The following ANKRD11 variants were observed in gnomAD, a reference collection of about 807,000 sequenced individuals.
The protein encoded by ANKRD11 is ankyrin repeat domain-containing protein 11.
ANKRD11 carries 17 observed loss-of-function variants against 195.7 expected under a neutral mutation model. The observed-to-expected ratio is 0.09, with a 90% CI of 0.06 to 0.13. The LOEUF is 0.13. Ranked by LOEUF, ANKRD11 falls within the 10% of genes least tolerant of loss-of-function variation. The pLI, the probability that ANKRD11 is intolerant of heterozygous loss-of-function variation, is 1.00. For synonymous variants in ANKRD11, 1,953 were observed against 1,528.1 expected, an observed-to-expected ratio of 1.28 and a Z score of -6.49; for missense variants, 3,735 against 3,566.1, an observed-to-expected ratio of 1.05 and a Z score of -1.21.
chr16:89,303,917 C>T (rs901190526), intron 4 of ANKRD11, among the ~76,000 whole-genome samples: 5 of 152,214 alleles, frequency 3.3e-5, no homozygotes, highest in African/African-American at 1.2e-4. Flanking sequence ...CTCAAGCCCG[C>T]ATCCTGGCAC....
chr16:89,355,941 A>C (rs748554080), intron 2 of ANKRD11, among the ~76,000 whole-genome samples: 1 of 152,064 alleles, frequency 6.6e-6, no homozygotes, highest in Non-Finnish European at 1.5e-5. Flanking sequence ...ACGCTAAGTG[A>C]CTCGCCCAAG....
At chr16:89,286,330 C>G in intron 7 of ANKRD11, 144 bp from the exon 8 acceptor site, 7 of 1,187,946 alleles carry the variant, frequency 5.9e-6, no homozygotes, top group Non-Finnish European at 7.3e-6. Flanking sequence ...GGGAGCCGAG[C>G]GCCCAGGGAC....
At chr16:89,447,529 C>T (rs2043848208) in intron 1 of ANKRD11, among the ~76,000 whole-genome samples, 1 of 152,094 alleles carries the variant, frequency 6.6e-6, no homozygotes, top group South Asian at 2.1e-4. Flanking sequence ...TCCTCGTGAT[C>T]CCCATCCGTG....
intron 1 of ANKRD11, among the ~76,000 whole-genome samples, chr16:89,475,314 G>A (rs1010687297): frequency 1.4e-4 from 22 of 152,164 alleles, no homozygotes; most frequent in Non-Finnish European, 2.6e-4. Context: ...GCCAAGCTGG[G>A]ATGTGAAAGA....
chr16:89,457,554 C>G (rs1380197856), intron 1 of ANKRD11, among the ~76,000 whole-genome samples: 1 of 147,468 alleles, frequency 6.8e-6, no homozygotes, highest in Non-Finnish European at 1.5e-5. Context: ...GCTGAGATCG[C>G]GCCACTGCAC....
At chr16:89,485,624 T>A (rs534303364) in intron 1 of ANKRD11, among the ~76,000 whole-genome samples, 2 of 152,164 alleles carry the variant, frequency 1.3e-5, no homozygotes, top group Admixed American at 1.3e-4. Context: ...CAAGTCGCAA[T>A]CTCCCAAATA....
At position 89,280,755 on chromosome 16, in the gene ANKRD11, G is replaced by A. The variant is rs2034152505; in HGVS notation, c.5787C>T (p.Ser1929=). 21 of 1,613,246 alleles carry A rather than the reference G, an allele frequency of 1.3e-5. No homozygotes were observed. In the East Asian group the frequency reaches 4.2e-4, roughly 33 times the overall value. Residue 1929 remains serine (S), a synonymous_variant, in exon 9 of 13, where the codon AGC becomes AGT. Transcript: ENST00000301030. ...GACCCTCGTCCAGCGGCTCCAGGTA[G>A]CTGGGCTCCGGGGGGATGATGGCGG... ...ATAAIIPPEP[S]YLEPLDEGPF...
At chr16:89,384,729 C>G (rs1160097295) in intron 2 of ANKRD11, among the ~76,000 whole-genome samples, 1 of 152,052 alleles carries the variant, frequency 6.6e-6, no homozygotes, top group Non-Finnish European at 1.5e-5. Flanking sequence ...AATCAGGTGG[C>G]CTTTTGGTCT....
chr16:89,462,655 G>C (rs907389478), intron 1 of ANKRD11, among the ~76,000 whole-genome samples: 4 of 151,520 alleles, frequency 2.6e-5, no homozygotes, highest in Non-Finnish European at 5.9e-5. Flanking sequence ...ATCACATCTA[G>C]GAAGTGAGGA....
intron 2 of ANKRD11, among the ~76,000 whole-genome samples, chr16:89,372,007 C>A (rs1291434059): frequency 6.6e-6 from 1 of 152,138 alleles, no homozygotes; most frequent in Non-Finnish European, 1.5e-5. Context: ...CGGTTTGTCA[C>A]GGGCCAAGAA....
chr16:89,397,621 G>A (rs1344256734), intron 2 of ANKRD11, among the ~76,000 whole-genome samples: 1 of 152,210 alleles, frequency 6.6e-6, no homozygotes, highest in African/African-American at 2.4e-5. Context: ...TCAGGCTGAG[G>A]CATAAACTTT....
chr16:89,432,768 G>A (rs139274255), intron 1 of ANKRD11, among the ~76,000 whole-genome samples: 284 of 151,968 alleles, frequency 1.9e-3, no homozygotes, highest in Middle Eastern at 3.4e-3. Flanking sequence ...AACACAATGG[G>A]ACCCCATCCC....
Position 89,282,105 on chromosome 16 carries a change from C to G in ANKRD11, c.4437G>C (p.Arg1479Ser). 6.2e-7 allele frequency: 1 copy of G among 1,613,814 alleles called. No homozygotes were observed. Among genetic ancestry groups the G allele is most frequent in the Non-Finnish European group, 8.5e-7 (1 of 1,179,898 alleles). ...WRDEKERHRD[R>S]HADGLLRHHR... ...GATGCCGCAGCAGCCCATCCGCATG[C>G]CTGTCCCGGTGCCTCTCCTTCTCGT... The change falls in exon 9 of 13, where the codon AGG becomes AGC. Residue 1479 changes from arginine (R) to serine (S), a missense_variant. Physicochemically the swap from Arg to Ser is moderately radical, Grantham distance 110. Transcript: ENST00000301030.
intron 1 of ANKRD11, among the ~76,000 whole-genome samples, chr16:89,432,983 T>TCTCTC (rs1215236344): frequency 1.6e-4 from 22 of 134,944 alleles, no homozygotes; most frequent in Admixed American, 1.6e-3. Flanking sequence ...TCTCTCTCTC[T>TCTCTC]CTCTCTCCTC....
intron 1 of ANKRD11, among the ~76,000 whole-genome samples, chr16:89,458,398 G>A (rs2056529110): frequency 6.6e-6 from 1 of 151,952 alleles, no homozygotes; most frequent in Non-Finnish European, 1.5e-5. Flanking sequence ...CTAATTTTTT[G>A]TATTTTTAGT....
At chr16:89,489,950 G>A (rs1351894531) in intron 1 of ANKRD11, among the ~76,000 whole-genome samples, 1 of 130,792 alleles carries the variant, frequency 7.6e-6, no homozygotes, top group East Asian at 2.4e-4. Flanking sequence ...AAGCTCCGCC[G>A]ACCTCCCAGG....
chr16:89,377,543 C>G (rs1303734408), intron 2 of ANKRD11, among the ~76,000 whole-genome samples: 2 of 152,124 alleles, frequency 1.3e-5, no homozygotes, highest in Non-Finnish European at 2.9e-5. Flanking sequence ...CTAAGAGATA[C>G]CACACCAGAG....
intron 3 of ANKRD11, among the ~76,000 whole-genome samples, chr16:89,310,777 G>C (rs556587392): frequency 2.0e-5 from 3 of 152,170 alleles, no homozygotes; most frequent in Non-Finnish European, 4.4e-5. Context: ...TGCATAATGG[G>C]TTTGCACTGG....
chr16:89,374,350 A>G (rs551004217), intron 2 of ANKRD11, among the ~76,000 whole-genome samples: 1 of 150,016 alleles, frequency 6.7e-6, no homozygotes, highest in South Asian at 2.1e-4. Context: ...AAAAAATAAT[A>G]ATAATAATAA....
Sources: gnomAD v4.1 joint callset for allele counts (sites outside exome capture counted in the v4.1 genomes callset) on GRCh38, gnomAD v4.1.1 for gene constraint, MANE v1.5 for transcripts, NCBI Gene and HGNC (gene_info 2026-07-23, HGNC 2026-07-21) for gene names.